The following SPATA6 variants were observed in gnomAD, a reference collection of about 807,000 sequenced individuals.
The protein encoded by SPATA6 is spermatogenesis associated 6.
SPATA6 carries 56 observed loss-of-function variants against 65.3 expected under a neutral mutation model. The ratio of observed to expected loss-of-function variants is 0.86; its 90% CI spans 0.69 to 1.07. SPATA6 has a LOEUF of 1.07. SPATA6 is among the 50% of genes least tolerant of loss of function. The probability of loss-of-function intolerance (pLI) is 0.00; values close to 1 mark genes in which losing one functional copy is unlikely to be tolerated. For missense variants in SPATA6, 590 were observed against 594.8 expected (o/e 0.99, Z 0.08); for synonymous variants, 199 against 213.2 (o/e 0.93, Z 0.58).
At chr1:48,432,348 T>G (rs1258776203) in intron 3 of SPATA6, among the ~76,000 whole-genome samples, 1 of 151,938 alleles carries the variant, frequency 6.6e-6, no homozygotes, top group Non-Finnish European at 1.5e-5. Flanking sequence ...ATCAATGCAG[T>G]AAAAAGGCAA....
At chr1:48,396,307 T>TA (rs1325375228) in intron 7 of SPATA6, among the ~76,000 whole-genome samples, 1 of 151,730 alleles carries the variant, frequency 6.6e-6, no homozygotes, top group Non-Finnish European at 1.5e-5. Context: ...ACACCTGCTA[T>TA]AAAAAACACT....
rs1644832551 is a variant in SPATA6, at chr1:48,297,274, T to G, written c.*1439A>C. The G allele has an allele frequency of 6.6e-6, 1 of 152,080 alleles. No homozygotes were observed. The highest frequency in any genetic ancestry group is 1.5e-5 in the Non-Finnish European group (1 of 68,016). The allele number at this position is 152,080 out of a possible 1,614,324, so 9.4% of individuals were successfully genotyped here. On this transcript the variant is annotated 3_prime_UTR_variant, in exon 13 of 13. Coordinates refer to ENST00000371847, the MANE Select transcript of SPATA6 (RefSeq NM_019073.4). The stretch of plus-strand genomic sequence containing the variant: ...TGATCTTGGTCCACAGAACATAGTT[T>G]GGGGTCTACTACATTCTTATCATTT...
the SPATA6 span, among the ~76,000 whole-genome samples, chr1:48,289,127 G>A: frequency 6.6e-6 from 1 of 152,128 alleles, no homozygotes; most frequent in Non-Finnish European, 1.5e-5. Context: ...ATATGGCCAG[G>A]TGTCCCTCTG....
intron 11 of SPATA6, among the ~76,000 whole-genome samples, chr1:48,338,228 G>T (rs1370714084): frequency 6.6e-6 from 1 of 151,984 alleles, no homozygotes; most frequent in African/African-American, 2.4e-5. Context: ...GAGGGGTAAA[G>T]AATAGCTTTT....
At chr1:48,304,838 CGGG>C (rs1645022983) in intron 12 of SPATA6, among the ~76,000 whole-genome samples, 2 of 152,186 alleles carry the variant, frequency 1.3e-5, no homozygotes, top group South Asian at 4.1e-4. Context: ...CACCCAAAAT[CGGG>C]ATGCTAATCC....
At chr1:48,319,713 CTGCA>C (rs1645544663) in intron 11 of SPATA6, among the ~76,000 whole-genome samples, 1 of 152,190 alleles carries the variant, frequency 6.6e-6, no homozygotes, top group Admixed American at 6.5e-5. Flanking sequence ...CCTGTTGACC[CTGCA>C]CCCCTGCTCC....
the SPATA6 span, among the ~76,000 whole-genome samples, chr1:48,278,446 C>G: frequency 6.6e-6 from 1 of 152,046 alleles, no homozygotes; most frequent in Admixed American, 6.6e-5. Context: ...AAAATTTAGA[C>G]GAATGTATAA....
chr1:48,272,770 T>C, the SPATA6 span, among the ~76,000 whole-genome samples: 1 of 152,162 alleles, frequency 6.6e-6, no homozygotes, highest in Non-Finnish European at 1.5e-5. Context: ...CTGATTTCCA[T>C]AACGGCTATG....
intron 3 of SPATA6, among the ~76,000 whole-genome samples, chr1:48,413,389 G>A (rs1212681113): frequency 8.8e-5 from 13 of 148,450 alleles, no homozygotes; most frequent in African/African-American, 2.0e-4. Context: ...TCCCGGATTC[G>A]AGCAATTCCC....
intron 11 of SPATA6, among the ~76,000 whole-genome samples, chr1:48,334,462 A>T (rs776271471): frequency 6.6e-6 from 1 of 152,192 alleles, no homozygotes; most frequent in South Asian, 2.1e-4. Flanking sequence ...AATCCCTGGG[A>T]TGCAAGGTTA....
the SPATA6 span, among the ~76,000 whole-genome samples, chr1:48,277,970 C>G: frequency 1.3e-5 from 2 of 152,158 alleles, no homozygotes; most frequent in African/African-American, 4.8e-5. Context: ...GCCAGGTACT[C>G]CTCTGACACA....
At chr1:48,287,326 C>T in the SPATA6 span, among the ~76,000 whole-genome samples, 1 of 152,172 alleles carries the variant, frequency 6.6e-6, no homozygotes, top group East Asian at 1.9e-4. Context: ...GATCAAATCA[C>T]CTCCCACCAG....
At chr1:48,427,247 T>A (rs1653920988) in intron 3 of SPATA6, among the ~76,000 whole-genome samples, 1 of 151,778 alleles carries the variant, frequency 6.6e-6, no homozygotes, top group Non-Finnish European at 1.5e-5. Flanking sequence ...ATTTCATAAC[T>A]GAATATGAAT....
At chr1:48,332,332 A>G (rs1645940141) in intron 11 of SPATA6, among the ~76,000 whole-genome samples, 1 of 152,204 alleles carries the variant, frequency 6.6e-6, no homozygotes, top group Non-Finnish European at 1.5e-5. Context: ...TGCTGTCTTC[A>G]AGAGACCCAT....
chr1:48,366,052 C>T (rs1339010974), intron 9 of SPATA6, among the ~76,000 whole-genome samples: 3 of 152,174 alleles, frequency 2.0e-5, no homozygotes, highest in African/African-American at 7.2e-5. Context: ...TTGAGATAAT[C>T]ATACGGTATT....
intron 3 of SPATA6, among the ~76,000 whole-genome samples, chr1:48,445,581 A>AC: frequency 6.9e-6 from 1 of 143,902 alleles, no homozygotes; most frequent in Non-Finnish European, 1.5e-5. Context: ...AATGGCGTGA[A>AC]CCCAGGAGGC....
intron 11 of SPATA6, among the ~76,000 whole-genome samples, chr1:48,334,438 A>G (rs1197374349): frequency 6.6e-6 from 1 of 152,202 alleles, no homozygotes; most frequent in African/African-American, 2.4e-5. Context: ...AGCCACCACA[A>G]TCAAGTAGAC....
chr1:48,266,171 A>G, the SPATA6 span, among the ~76,000 whole-genome samples: 1 of 152,232 alleles, frequency 6.6e-6, no homozygotes, highest in East Asian at 1.9e-4. Context: ...GCTATTCACA[A>G]ACATATTAAA....
intron 9 of SPATA6, among the ~76,000 whole-genome samples, chr1:48,363,542 T>A (rs1399952427): frequency 6.6e-6 from 1 of 152,130 alleles, no homozygotes; most frequent in African/African-American, 2.4e-5. Context: ...GTGGAGAGCT[T>A]GGCTCATAAA....
Sources: allele counts gnomAD v4.1 joint callset (sites outside exome capture counted in the v4.1 genomes callset), GRCh38; gene constraint gnomAD v4.1.1; transcripts MANE v1.5; gene names NCBI Gene and HGNC (gene_info 2026-07-23, HGNC 2026-07-21).